Variants in CCL28 observed in about 807,000 individuals in gnomAD.
The protein encoded by CCL28 is C-C motif chemokine 28.
Under a neutral mutation model 7.1 loss-of-function variants are expected in CCL28, and 4 were observed. The observed-to-expected ratio is 0.56, with a 90% CI of 0.28 to 1.29. CCL28 has a LOEUF of 1.29. CCL28 is among the 50% of genes most tolerant of loss of function. The pLI, the probability that CCL28 is intolerant of heterozygous loss-of-function variation, is 0.11. For missense variants in CCL28, 151 were observed against 163.4 expected (o/e 0.92, Z 0.41); for synonymous variants, 55 against 57.8 (o/e 0.95, Z 0.22).
chr5:43,384,365 A>G (rs1740252208), intron 2 of CCL28, among the ~76,000 whole-genome samples: 1 of 152,222 alleles, frequency 6.6e-6, no homozygotes, highest in South Asian at 2.1e-4. Context: ...AACTGGGGAA[A>G]AAAATCAGCT....
chr5:43,366,325 T>C, the CCL28 span, among the ~76,000 whole-genome samples: 2 of 152,256 alleles, frequency 1.3e-5, no homozygotes, highest in Admixed American at 6.5e-5. Flanking sequence ...GTCTTTGATG[T>C]TGGTGACCTT....
At chr5:43,412,145 C>T in intron 1 of CCL28, 108 bp downstream of exon 1, 1 of 709,050 alleles carries the variant, frequency 1.4e-6, no homozygotes, top group Non-Finnish European at 2.2e-6. Context: ...ATTGGAAATT[C>T]CTGCTTGAAG....
At chr5:43,398,547 A>T (rs6861429) in intron 1 of CCL28, among the ~76,000 whole-genome samples, 17,944 of 152,118 alleles carry the variant, frequency 0.12, 2,282 homozygotes, top group African/African-American at 0.32. Flanking sequence ...CTCTTCTAAT[A>T]TTCTGAATAA....
rs888277495 is a variant in CCL28 at position 43,381,328 on chromosome 5, A to G, written c.*532T>C. The G allele has an allele frequency of 6.6e-5, 10 of 152,260 alleles. No individual in the cohort carries two copies. The highest frequency in any genetic ancestry group is 2.4e-4 in the African/African-American group (10 of 41,556). 9.4% of individuals were successfully genotyped at this position (152,260 alleles called of 1,614,324 possible). On this transcript the variant is annotated 3_prime_UTR_variant, in exon 3 of 3. Transcript: ENST00000361115. ...AAACTATAATTAAAAAGTTGGGAGA[A>G]GTTATATCTATATGCTCCTCTTAAA...
At chr5:43,360,611 A>T in the CCL28 span, among the ~76,000 whole-genome samples, 390 of 152,048 alleles carry the variant, frequency 2.6e-3, 8 homozygotes, top group East Asian at 0.021. Flanking sequence ...TCCTTTTTTT[A>T]TGGCTGCATA....
the CCL28 span, among the ~76,000 whole-genome samples, chr5:43,357,334 G>T: frequency 1.6e-4 from 24 of 152,198 alleles, no homozygotes; most frequent in Admixed American, 1.0e-3. Context: ...GGCAAAGGGT[G>T]TGCATACAGG....
chr5:43,372,544 T>A (rs920127244), downstream of CCL28, among the ~76,000 whole-genome samples: 2 of 152,038 alleles, frequency 1.3e-5, no homozygotes, highest in African/African-American at 2.4e-5. Flanking sequence ...AATTTTTGTA[T>A]TTTTAGTAGA....
the CCL28 span, among the ~76,000 whole-genome samples, chr5:43,357,162 A>G: frequency 6.6e-6 from 1 of 152,220 alleles, no homozygotes; most frequent in Non-Finnish European, 1.5e-5. Flanking sequence ...TTCTTATGGC[A>G]GTGGCAGAGT....
At chr5:43,386,762 G>A (rs1482148369) in intron 2 of CCL28, among the ~76,000 whole-genome samples, 7 of 152,140 alleles carry the variant, frequency 4.6e-5, no homozygotes, top group Non-Finnish European at 7.4e-5. Flanking sequence ...TTATCTTGGA[G>A]CAGTTTTTCC....
intron 1 of CCL28, among the ~76,000 whole-genome samples, chr5:43,406,582 TG>T (rs976056430): frequency 2.6e-4 from 40 of 152,182 alleles, no homozygotes; most frequent in African/African-American, 4.8e-5. Context: ...CTTTGAAAAC[TG>T]GCACAAGACA....
chr5:43,363,891 C>A, the CCL28 span, among the ~76,000 whole-genome samples: 1 of 152,134 alleles, frequency 6.6e-6, no homozygotes, highest in East Asian at 1.9e-4. Context: ...GTTTACACAA[C>A]GAAATAGAAG....
chr5:43,382,036 T>A lies in CCL28; in HGVS notation c.208A>T (p.Arg70Ter). 1 of 1,611,230 alleles carries A rather than the reference T, an allele frequency of 6.2e-7. No individual in the cohort carries two copies. The highest frequency in any genetic ancestry group is 1.7e-5 in the Admixed American group (1 of 59,536). ...LAAVILHVKR[R>*]RICVSPHNHT... ...TTGTGCGGGCTGACACAGATTCTTCTGCGCTTGACATGAAGGCTGTTAGAA... is the reference window on the plus strand; with the variant it reads ...TTGTGCGGGCTGACACAGATTCTTCAGCGCTTGACATGAAGGCTGTTAGAA... Residue 70 changes from arginine to a stop codon, truncating the protein, a stop_gained, in exon 3 of 3, where the codon AGA becomes TGA. Coordinates refer to ENST00000361115, the MANE Select transcript of CCL28 (RefSeq NM_148672.3). LOFTEE classifies it low-confidence loss of function (END_TRUNC).
At chr5:43,392,106 ATTATTTATTTAT>A (rs35180804) in intron 1 of CCL28, among the ~76,000 whole-genome samples, 12 of 151,376 alleles carry the variant, frequency 7.9e-5, no homozygotes, top group African/African-American at 2.9e-4. Context: ...TGCATATCTT[ATTATTTATTTAT>A]TTATTTATTT....
downstream of CCL28, among the ~76,000 whole-genome samples, chr5:43,378,479 T>C (rs373162823): frequency 6.6e-6 from 1 of 152,148 alleles, no homozygotes; most frequent in South Asian, 2.1e-4. Context: ...CCTATATTAC[T>C]TCAATAAAAA....
rs144226885 is a variant in CCL28, at chr5:43,412,264, T to C, written c.53A>G (p.His18Arg). 304 of 1,612,196 alleles carry C rather than the reference T, an allele frequency of 1.9e-4. 1 individual carries two copies. In the African/African-American group the frequency reaches 3.5e-3, roughly 18 times the overall value. Residue 18 changes from histidine (H) to arginine (R), a missense_variant, in exon 1 of 3, where the codon CAT (histidine) becomes CGT (arginine). Physicochemically the swap from His to Arg is conservative, Grantham distance 29. Coordinates refer to ENST00000361115, the MANE Select transcript of CCL28 (RefSeq NM_148672.3). ...IVALAVCAAL[H>R]ASEAILPIAS... ...GTGCCCCCACTCACCTTCTGAGGCA[T>C]GTAGGGCCGCACAGACAGCCAAGGC...
chr5:43,374,986 A>G (rs1385644110), downstream of CCL28, among the ~76,000 whole-genome samples: 7 of 151,910 alleles, frequency 4.6e-5, no homozygotes, highest in Admixed American at 4.6e-4. Context: ...AAAATGAAAG[A>G]TCTTTTTCTT....
intron 1 of CCL28, among the ~76,000 whole-genome samples, chr5:43,403,255 C>T (rs1395976063): frequency 1.3e-5 from 2 of 152,214 alleles, no homozygotes; most frequent in African/African-American, 4.8e-5. Flanking sequence ...CTGGGAGACT[C>T]CTCCCAGTAG....
At chr5:43,370,251 T>C in the CCL28 span, among the ~76,000 whole-genome samples, 15 of 152,238 alleles carry the variant, frequency 9.9e-5, no homozygotes, top group African/African-American at 3.6e-4. Flanking sequence ...CAATATATAA[T>C]TCAAATACCA....
downstream of CCL28, among the ~76,000 whole-genome samples, chr5:43,376,167 G>A (rs1243994604): frequency 6.6e-6 from 1 of 152,188 alleles, no homozygotes; most frequent in African/African-American, 2.4e-5. Context: ...TGGTGCTTGG[G>A]AGGTATGTCT....
Sources: allele counts gnomAD v4.1 joint callset (sites outside exome capture counted in the v4.1 genomes callset), GRCh38; gene constraint gnomAD v4.1.1; transcripts MANE v1.5; gene names NCBI Gene and HGNC (gene_info 2026-07-23, HGNC 2026-07-21).